SPMIP2: variants seen among roughly 807,000 people sequenced by gnomAD.
SPMIP2 encodes the protein sperm microtubule inner protein 2.
At chr4:158,895,720 C>A in the SPMIP2 span, 2 of 1,371,754 alleles carry the variant, frequency 1.5e-6, no homozygotes, top group Admixed American at 1.8e-5. Context: ...TGACTTCTAG[C>A]CCTCATTGTG....
chr4:158,925,570 T>TAC, the SPMIP2 span, among the ~76,000 whole-genome samples: 214 of 152,234 alleles, frequency 1.4e-3, 5 homozygotes, highest in East Asian at 0.04. Context: ...CCTCAGGCAT[T>TAC]ACTTAGATTC....
chr4:159,048,328 G>A, the SPMIP2 span, among the ~76,000 whole-genome samples: 1 of 152,236 alleles, frequency 6.6e-6, no homozygotes, highest in African/African-American at 2.4e-5. Flanking sequence ...CCTGGCAAGT[G>A]CAAGTACAGT....
the SPMIP2 span, among the ~76,000 whole-genome samples, chr4:159,062,345 G>A: frequency 1.3e-5 from 2 of 152,042 alleles, no homozygotes; most frequent in Admixed American, 1.3e-4. Flanking sequence ...TTACTACTAT[G>A]GGCCACTATT....
At chr4:159,082,445 T>TTCTC in the SPMIP2 span, among the ~76,000 whole-genome samples, 1,165 of 130,502 alleles carry the variant, frequency 8.9e-3, 7 homozygotes, top group African/African-American at 0.011. Context: ...AATTCCACTT[T>TTCTC]TCTCTGTGTG....
chr4:158,958,832 T>C, the SPMIP2 span, among the ~76,000 whole-genome samples: 1 of 152,200 alleles, frequency 6.6e-6, no homozygotes, highest in Non-Finnish European at 1.5e-5. Context: ...TCTGACTAGT[T>C]AAATAGGACC....
the SPMIP2 span, among the ~76,000 whole-genome samples, chr4:159,069,749 T>C: frequency 6.6e-6 from 1 of 152,104 alleles, no homozygotes; most frequent in African/African-American, 2.4e-5. Context: ...TGATACATAT[T>C]TTTTTTTCTT....
the SPMIP2 span, among the ~76,000 whole-genome samples, chr4:158,929,924 T>C: frequency 5.3e-5 from 8 of 152,220 alleles, no homozygotes; most frequent in African/African-American, 1.9e-4. Context: ...TCCTTTCATT[T>C]TAGCCTGAAA....
At chr4:159,034,511 A>G in the SPMIP2 span, among the ~76,000 whole-genome samples, 4 of 152,370 alleles carry the variant, frequency 2.6e-5, no homozygotes, top group African/African-American at 9.6e-5. Context: ...TATAGTGACA[A>G]CTGCTGTGTT....
chr4:158,964,151 TC>T, the SPMIP2 span, among the ~76,000 whole-genome samples: 11 of 100,136 alleles, frequency 1.1e-4, no homozygotes, highest in South Asian at 7.9e-4. Context: ...TGAGACTATC[TC>T]AAAACAAAAC....
At chr4:159,069,823 T>C in the SPMIP2 span, among the ~76,000 whole-genome samples, 1 of 152,166 alleles carries the variant, frequency 6.6e-6, no homozygotes, top group Non-Finnish European at 1.5e-5. Context: ...GGAGCATTCT[T>C]GACTAACCAT....
chr4:159,042,299 G>A, the SPMIP2 span, among the ~76,000 whole-genome samples: 2 of 152,140 alleles, frequency 1.3e-5, no homozygotes, highest in African/African-American at 4.8e-5. Context: ...TGCTCTCTTC[G>A]AGGCTGCTGC....
the SPMIP2 span, chr4:158,904,827 A>G: frequency 6.3e-5 from 24 of 380,976 alleles, no homozygotes; most frequent in Admixed American, 3.8e-4. Flanking sequence ...CATAAGCACT[A>G]AACACTAAGC....
At chr4:158,994,044 C>T in the SPMIP2 span, among the ~76,000 whole-genome samples, 1 of 152,140 alleles carries the variant, frequency 6.6e-6, no homozygotes, top group Non-Finnish European at 1.5e-5. Context: ...CTATCTAATC[C>T]CTTCAAGTCA....
the SPMIP2 span, chr4:158,973,307 T>C: frequency 1.3e-6 from 2 of 1,594,362 alleles, no homozygotes; most frequent in South Asian, 1.1e-5. Context: ...TTATGTAGTC[T>C]GGACCTTTAA....
At chr4:158,999,167 C>A in the SPMIP2 span, among the ~76,000 whole-genome samples, 1 of 52,144 alleles carries the variant, frequency 1.9e-5, no homozygotes, top group African/African-American at 6.8e-5. Context: ...TGAGACCCTG[C>A]CTCAAAAAAA....
the SPMIP2 span, among the ~76,000 whole-genome samples, chr4:159,033,581 T>G: frequency 6.6e-6 from 1 of 152,190 alleles, no homozygotes; most frequent in African/African-American, 2.4e-5. Context: ...TGTGCAGACT[T>G]AAGTAACTTT....
At chr4:158,893,662 T>G in the SPMIP2 span, 1 of 1,566,998 alleles carries the variant, frequency 6.4e-7, no homozygotes, top group East Asian at 2.3e-5. Context: ...AGTAGGCAGT[T>G]TCTCCTTCTA....
At chr4:158,922,788 G>A in the SPMIP2 span, among the ~76,000 whole-genome samples, 1 of 152,108 alleles carries the variant, frequency 6.6e-6, no homozygotes, top group Admixed American at 6.5e-5. Context: ...ATTTCTATCT[G>A]TATGCATTTG....
chr4:158,987,197 G>C, the SPMIP2 span, among the ~76,000 whole-genome samples: 1 of 147,862 alleles, frequency 6.8e-6, no homozygotes, highest in Admixed American at 6.8e-5. Flanking sequence ...CTGTAATCTA[G>C]TTCAACCATT....
Sources: gnomAD v4.1 joint callset for allele counts (sites outside exome capture counted in the v4.1 genomes callset) on GRCh38, gnomAD v4.1.1 for gene constraint, MANE v1.5 for transcripts, NCBI Gene and HGNC (gene_info 2026-07-23, HGNC 2026-07-21) for gene names.